Variants in TRIM3 observed in about 807,000 individuals in gnomAD.
TRIM3 encodes the protein tripartite motif-containing protein 3.
Under a neutral mutation model 66.6 loss-of-function variants are expected in TRIM3, and 13 were observed. That is an observed-to-expected ratio of 0.20 (90% confidence interval 0.13 to 0.31). The LOEUF (loss-of-function observed/expected upper bound fraction) is 0.31. TRIM3 is among the 10% of genes least tolerant of loss of function. The pLI, the probability that TRIM3 is intolerant of heterozygous loss-of-function variation, is 1.00. For synonymous variants in TRIM3, 406 were observed against 411.7 expected, an observed-to-expected ratio of 0.99 and a Z score of 0.17; for missense variants, 711 against 1,020.4, an observed-to-expected ratio of 0.70 and a Z score of 4.13.
chr11:6,465,095 A>C (rs1047022061), intron 2 of TRIM3, among the ~76,000 whole-genome samples: 10 of 152,138 alleles, frequency 6.6e-5, no homozygotes, highest in Admixed American at 2.6e-4. Context: ...TGCTCAATAA[A>C]TGAATATTTG....
intron 2 of TRIM3, among the ~76,000 whole-genome samples, chr11:6,463,664 CG>C (rs1372965374): frequency 1.3e-5 from 2 of 152,090 alleles, no homozygotes; most frequent in Admixed American, 6.6e-5. Flanking sequence ...TATATTGTAT[CG>C]AAAGTGGTGT....
chr11:6,464,569 G>C (rs142997277), intron 2 of TRIM3, among the ~76,000 whole-genome samples: 3 of 152,234 alleles, frequency 2.0e-5, no homozygotes, highest in Non-Finnish European at 4.4e-5. Context: ...TATACTGTTA[G>C]CTCTTTAAGA....
rs771550712 is a variant in TRIM3, at chr11:6,456,468, G to A, written c.1258C>T (p.Arg420Cys). The A allele has an allele frequency of 1.2e-5, 19 of 1,543,130 alleles. No individual in the cohort carries two copies. Among genetic ancestry groups the A allele is most frequent in the Non-Finnish European group, 1.6e-5 (18 of 1,142,122 alleles). ...GGGGAAGGTGGCAGGTCCCCCGGAC[G>A]CAGGGCACGCACGCGGAAGGGGCTG... ...RGSPFRVRAL[R>C]PGDLPPSPDD... Residue 420 changes from arginine (R) to cysteine (C), a missense_variant, in exon 6 of 12, where the codon CGT becomes TGT. By Grantham distance (180) the Arg-to-Cys change is radical. Transcript: ENST00000345851. The surrounding 1 kb of genome is among the most constrained non-coding windows in gnomAD (Gnocchi z 6.4).
At chr11:6,464,030 G>A (rs75760556) in intron 2 of TRIM3, among the ~76,000 whole-genome samples, 3,836 of 152,298 alleles carry the variant, frequency 0.025, 162 homozygotes, top group African/African-American at 0.076. Flanking sequence ...AGAGGCAGTG[G>A]TGGTGAGAAG....
chr11:6,474,169 T>C (rs1850839957), upstream of TRIM3: 4 of 151,556 alleles, frequency 2.6e-5, no homozygotes, highest in South Asian at 6.2e-4. Flanking sequence ...ATCCCGGATC[T>C]CGGATCCCGG....
rs1849665048 is a variant in TRIM3 at position 6,450,237 on chromosome 11, T to C, written c.1941+314A>G. On this transcript the variant is annotated intron_variant, in intron 10 of 11. Coordinates refer to ENST00000345851, the MANE Select transcript of TRIM3 (RefSeq NM_033278.4). This position sits in a 1 kb window ranked among gnomAD's most constrained non-coding sequence, Gnocchi z 4.8. ...GTCTTTCCTGAATCATACACTTCTG[T>C]ATCCCTTCCCACAGTTCCCTGCACC... The C allele has an allele frequency of 2.7e-6, 1 of 364,374 alleles. No homozygotes were observed. The highest frequency in any genetic ancestry group is 5.0e-6 in the Non-Finnish European group (1 of 198,544). The allele number at this position is 364,374 out of a possible 1,614,324, so 22.6% of individuals were successfully genotyped here.
In TRIM3 at chr11:6,456,304, G is replaced by A. The variant is rs1350042667; in HGVS notation, c.1422C>T (p.Phe474=). 2.6e-6 allele frequency: 4 copies of A among 1,554,914 alleles called. No homozygotes were observed. The East Asian group carries it at 9.0e-5, about 35-fold the overall frequency. Residue 474 remains phenylalanine, a synonymous_variant, in exon 6 of 12, where the codon TTC becomes TTT. Transcript: ENST00000345851. The surrounding 1 kb of genome is among the most constrained non-coding windows in gnomAD (Gnocchi z 6.4). The part of the protein sequence containing the change: ...KDNPIEDELV[F]RVGSRGREKG... ...GCCCTCGGCTGTCTGTACCAACACG[G>A]AAGACGAGCTCATCCTCAATTGGGT...
At chr11:6,471,674 G>A (rs946722384) in intron 1 of TRIM3, among the ~76,000 whole-genome samples, 3 of 152,318 alleles carry the variant, frequency 2.0e-5, no homozygotes, top group African/African-American at 7.2e-5. Context: ...TAACTACAAT[G>A]TGATAAGTAC....
Position 6,458,320 on chromosome 11 carries a change from A to C in TRIM3, c.132-24T>G. The C allele has an allele frequency of 6.3e-7, 1 of 1,594,128 alleles. No homozygotes were observed. The highest frequency in any genetic ancestry group is 1.3e-5 in the African/African-American group (1 of 74,714). On this transcript the variant is annotated intron_variant, in intron 2 of 11. Transcript: ENST00000345851. The surrounding 1 kb of genome is among the most constrained non-coding windows in gnomAD (Gnocchi z 6.2). ...ATCTGTCCAGGAAGGAGAGTCAAAG[A>C]ACAGAGTGGGTGGGGTGGCATAAGT...
At chr11:6,463,209 A>C (rs1850317978) in intron 2 of TRIM3, among the ~76,000 whole-genome samples, 1 of 152,230 alleles carries the variant, frequency 6.6e-6, no homozygotes, top group Non-Finnish European at 1.5e-5. Flanking sequence ...TGTCTCAAAA[A>C]AACAAAAACA....
chr11:6,454,245 G>A (rs1414175975), intron 7 of TRIM3, among the ~76,000 whole-genome samples: 2 of 152,038 alleles, frequency 1.3e-5, no homozygotes, highest in African/African-American at 2.4e-5. Context: ...AAATAAATTA[G>A]CCAGGTATAG....
At position 6,470,659 on chromosome 11, in the gene TRIM3, A is replaced by G. The variant is rs369916626; in HGVS notation, c.-38+3132T>C. Among the ~76,000 whole-genome samples the G allele has an allele frequency of 3.2e-4, 48 of 152,334 alleles. No homozygotes were observed. In the South Asian group the frequency reaches 9.9e-3, roughly 32 times the overall value. On this transcript the variant is annotated intron_variant, in intron 1 of 11. Transcript: ENST00000345851. The stretch of plus-strand genomic sequence containing the variant: ...AGTTGGCAGTTGGAAAGATACGCTG[A>G]AGCCTAAGAGAGAGGTCTGGCCTGG...
chr11:6,458,045 T>C lies in TRIM3; in HGVS notation c.363+20A>G, dbSNP rs779436566. 3 of 1,585,424 alleles carry C rather than the reference T, an allele frequency of 1.9e-6. No individual in the cohort carries two copies. Among genetic ancestry groups the C allele is most frequent in the Non-Finnish European group, 2.6e-6 (3 of 1,165,344 alleles). ...CTCCCACCCCAAGTCCCGGCCTCAC[T>C]GGGCCTCGCTTGGGCCCACCTTGCC... is the stretch of plus-strand genomic sequence containing the variant. On this transcript the variant is annotated intron_variant, in intron 3 of 11. Transcript: ENST00000345851. This position sits in a 1 kb window ranked among gnomAD's most constrained non-coding sequence, Gnocchi z 6.2.
chr11:6,471,162 T>C (rs916327728), intron 1 of TRIM3, among the ~76,000 whole-genome samples: 3 of 152,172 alleles, frequency 2.0e-5, no homozygotes, highest in Non-Finnish European at 4.4e-5. Context: ...TAGCATTAAT[T>C]TTCCCCAGGA....
chr11:6,465,684 C>T lies in TRIM3; in HGVS notation c.12G>A (p.Arg4=), dbSNP rs144521953. MAK[R]EDSPGPEVQP... ...GGACCTCTGGGCCAGGGCTGTCCTC[C>T]CTCTTTGCCATGGCGCCCACAGATG... Residue 4 remains arginine (R), a synonymous_variant, in exon 2 of 12, where the codon AGG becomes AGA. Coordinates refer to ENST00000345851, the MANE Select transcript of TRIM3 (RefSeq NM_033278.4). 648 of 1,613,974 alleles carry T rather than the reference C, an allele frequency of 4.0e-4. 1 individual carries two copies. Among genetic ancestry groups the T allele is most frequent in the Non-Finnish European group, 5.2e-4 (614 of 1,180,010 alleles).
rs190136933 is a variant in TRIM3 at position 6,456,780 on chromosome 11, G to T, written c.946C>A (p.Leu316Ile). 36 of 1,612,174 alleles carry T rather than the reference G, an allele frequency of 2.2e-5. No homozygotes were observed. The highest frequency in any genetic ancestry group is 3.0e-5 in the Non-Finnish European group (35 of 1,179,976). The change falls in exon 6 of 12, where the codon CTC (leucine) becomes ATC (isoleucine). Residue 316 changes from leucine (L) to isoleucine (I), a missense_variant. By Grantham distance (5) the Leu-to-Ile change is conservative. Transcript: ENST00000345851. This position sits in a 1 kb window ranked among gnomAD's most constrained non-coding sequence, Gnocchi z 6.4. ...RRSVLNLGAL[L>I]TTSATAHETV... ...TCGTGTGCAGTGGCGCTCGTGGTGAGCAGTGCGCCCAGATTGAGCACCGAT... is the reference window on the plus strand; with the variant it reads ...TCGTGTGCAGTGGCGCTCGTGGTGATCAGTGCGCCCAGATTGAGCACCGAT...
chr11:6,463,382 A>G (rs1442840254), intron 2 of TRIM3, among the ~76,000 whole-genome samples: 1 of 152,254 alleles, frequency 6.6e-6, no homozygotes, highest in Non-Finnish European at 1.5e-5. Flanking sequence ...CAATCAATAC[A>G]TGGTAGCTAC....
At chr11:6,463,072 G>A (rs890767664) in intron 2 of TRIM3, among the ~76,000 whole-genome samples, 2 of 151,928 alleles carry the variant, frequency 1.3e-5, no homozygotes, top group African/African-American at 4.8e-5. Flanking sequence ...GGATGTGGTG[G>A]CGTGCGCCTG....
At position 6,456,392 on chromosome 11, in the gene TRIM3, A is replaced by C. The variant is rs752251596; in HGVS notation, c.1334T>G (p.Val445Gly). 2 of 1,530,154 alleles carry C rather than the reference A, an allele frequency of 1.3e-6. No individual in the cohort carries two copies. Among genetic ancestry groups the C allele is most frequent in the South Asian group, 2.5e-5 (2 of 78,472 alleles). The allele number at this position is 1,530,154 out of a possible 1,614,324, so 94.8% of individuals were successfully genotyped here. A position where few individuals can be genotyped will look rare whatever the true frequency, so the allele number is the denominator to read the frequency against. ...GGGCCTACGCACTGCCTTCTGGCGCACATGGCTGCCGGGGCCGCCAGGGGA... is the reference window on the plus strand; with the variant it reads ...GGGCCTACGCACTGCCTTCTGGCGCCCATGGCTGCCGGGGCCGCCAGGGGA... The part of the protein sequence containing the change: ...VKSPGGPGSH[V>G]RQKAVRRPSS... The change falls in exon 6 of 12, where the codon GTG becomes GGG. Residue 445 changes from valine (V) to glycine (G), a missense_variant. Physicochemically the swap from Val to Gly is moderately radical, Grantham distance 109 (BLOSUM62 -3). This residue lies in a region of TRIM3 where 399 missense variants were observed against 458.1 expected (regional missense o/e 0.87). Coordinates refer to ENST00000345851, the MANE Select transcript of TRIM3 (RefSeq NM_033278.4). This position sits in a 1 kb window ranked among gnomAD's most constrained non-coding sequence, Gnocchi z 6.4.
Sources: gnomAD v4.1 joint callset for allele counts (sites outside exome capture counted in the v4.1 genomes callset) on GRCh38, gnomAD v4.1.1 for gene constraint, gnomAD v4.1.1 regional missense constraint, Gnocchi (gnomAD v3.1) non-coding constraint, MANE v1.5 for transcripts, NCBI Gene and HGNC (gene_info 2026-07-23, HGNC 2026-07-21) for gene names.